Variants in C1QTNF7 observed in about 807,000 individuals in gnomAD.
C1QTNF7 encodes the protein C1q and TNF related 7, also known as complement C1q tumor necrosis factor-related protein 7.
A neutral mutation model predicts 19.6 loss-of-function variants in C1QTNF7; 15 were observed. That is an observed-to-expected ratio of 0.76 (90% CI 0.51 to 1.18). The LOEUF (loss-of-function observed/expected upper bound fraction) is 1.18, where lower values mean the gene tolerates loss of function less well. Among genes scored for constraint, C1QTNF7 ranks in the 50% most tolerant of loss-of-function variants. C1QTNF7 has a pLI of 0.00. For synonymous variants in C1QTNF7, 142 were observed against 137.5 expected (o/e 1.03, Z -0.23); for missense variants, 324 against 359.7 (o/e 0.90, Z 0.80).
upstream of C1QTNF7, among the ~76,000 whole-genome samples, chr4:15,427,077 C>CGGAAA (rs2108931084): frequency 6.6e-6 from 1 of 152,286 alleles, no homozygotes; most frequent in African/African-American, 2.4e-5. Context: ...AGGACCATTT[C>CGGAAA]CTCCAGTGTG....
chr4:15,346,301 G>A (rs1044742997), intron 1 of C1QTNF7, among the ~76,000 whole-genome samples: 2 of 152,166 alleles, frequency 1.3e-5, no homozygotes, highest in African/African-American at 2.4e-5. Context: ...TCTCCAAGTA[G>A]AGGAGAGAAA....
chr4:15,414,860 T>C (rs576951086), intron 1 of C1QTNF7, among the ~76,000 whole-genome samples: 2 of 152,258 alleles, frequency 1.3e-5, no homozygotes, highest in South Asian at 2.1e-4. Flanking sequence ...AGAGTTCCAG[T>C]TGATGATTAA....
intron 1 of C1QTNF7, among the ~76,000 whole-genome samples, chr4:15,395,637 T>G (rs1401593923): frequency 6.6e-6 from 1 of 151,982 alleles, no homozygotes; most frequent in Non-Finnish European, 1.5e-5. Flanking sequence ...AGCTGGGGGA[T>G]AGTGAGAAAA....
chr4:15,399,568 A>C (rs565755101), intron 1 of C1QTNF7, among the ~76,000 whole-genome samples: 1 of 152,362 alleles, frequency 6.6e-6, no homozygotes, highest in East Asian at 1.9e-4. Flanking sequence ...TGCATGGAAT[A>C]AATGTGATGA....
intron 1 of C1QTNF7, among the ~76,000 whole-genome samples, chr4:15,356,411 C>G (rs1488559919): frequency 6.6e-6 from 1 of 152,118 alleles, no homozygotes; most frequent in Non-Finnish European, 1.5e-5. Flanking sequence ...CATCCATGTC[C>G]CTGCAAAGGA....
intron 1 of C1QTNF7, among the ~76,000 whole-genome samples, chr4:15,391,522 C>T (rs1009103326): frequency 5.3e-5 from 8 of 152,006 alleles, no homozygotes; most frequent in African/African-American, 1.7e-4. Flanking sequence ...AGTCAGTGCC[C>T]TTTTTTGGGT....
intron 1 of C1QTNF7, among the ~76,000 whole-genome samples, chr4:15,417,538 A>C (rs1014156862): frequency 3.3e-5 from 5 of 152,244 alleles, no homozygotes; most frequent in Non-Finnish European, 7.3e-5. Flanking sequence ...TGCCTTTGGA[A>C]GGCCAAGGCA....
intron 2 of C1QTNF7, among the ~76,000 whole-genome samples, chr4:15,440,553 G>T (rs1265674037): frequency 1.3e-5 from 2 of 151,848 alleles, no homozygotes; most frequent in Non-Finnish European, 2.9e-5. Context: ...GACTACAGGC[G>T]CGCACCACCA....
intron 1 of C1QTNF7, among the ~76,000 whole-genome samples, chr4:15,389,533 C>T (rs1718474819): frequency 6.6e-6 from 1 of 152,188 alleles, no homozygotes; most frequent in Non-Finnish European, 1.5e-5. Context: ...GATTCTCCTG[C>T]CTCAGCTTCC....
rs139059672 is a variant in C1QTNF7, at chr4:15,377,401, G to A, written c.13+37194G>A. 1.2e-4 allele frequency among the ~76,000 whole-genome samples: 19 copies of A among 152,256 alleles called. No homozygotes were observed. In the East Asian group the frequency reaches 3.5e-3, roughly 28 times the overall value. On this transcript the variant is annotated intron_variant, in intron 1 of 2. Transcript: ENST00000295297. ...CATCAGGTTTCAATCATCAGCAGAT[G>A]GGTGGATTTCTTTCTCTGGTAGGCT...
At chr4:15,342,553 A>T (rs1034133350) in intron 1 of C1QTNF7, among the ~76,000 whole-genome samples, 2 of 152,222 alleles carry the variant, frequency 1.3e-5, no homozygotes, top group Non-Finnish European at 2.9e-5. Flanking sequence ...TGCTGAAATC[A>T]AAGAAAGCGT....
chr4:15,347,302 T>C (rs567053928), intron 1 of C1QTNF7, among the ~76,000 whole-genome samples: 31 of 152,302 alleles, frequency 2.0e-4, no homozygotes, highest in Admixed American at 2.6e-4. Context: ...AATATACCAC[T>C]GGTCACCAGA....
intron 1 of C1QTNF7, among the ~76,000 whole-genome samples, chr4:15,396,261 G>T (rs1193465375): frequency 6.6e-6 from 1 of 152,084 alleles, no homozygotes; most frequent in African/African-American, 2.4e-5. Flanking sequence ...CACCAAGGTG[G>T]GCCTGAGCCA....
At position 15,442,498 on chromosome 4, in the gene C1QTNF7, C is replaced by T. The variant is rs202184168; in HGVS notation, c.569C>T (p.Pro190Leu). ...ACAGGGAAGTTCATCTGTGCTTTCC[C>T]AGGGATCTATTACTTTTCTTATGAT... ...PATGKFICAF[P>L]GIYYFSYDIT... The change falls in exon 3 of 3, where the codon CCA (proline) becomes CTA (leucine). Residue 190 changes from proline (P) to leucine (L), a missense_variant. Transcript: ENST00000444304. The T allele has an allele frequency of 1.2e-6, 2 of 1,614,152 alleles. No individual in the cohort carries two copies. The highest frequency in any genetic ancestry group is 2.2e-5 in the East Asian group (1 of 44,876).
At chr4:15,432,552 T>C (rs1173665842) in intron 1 of C1QTNF7, among the ~76,000 whole-genome samples, 2 of 152,154 alleles carry the variant, frequency 1.3e-5, no homozygotes, top group African/African-American at 2.4e-5. Context: ...CACGCCACCA[T>C]GCAGGGCTAC....
At chr4:15,434,137 C>T (rs1712435227) in intron 1 of C1QTNF7, among the ~76,000 whole-genome samples, 1 of 150,832 alleles carries the variant, frequency 6.6e-6, no homozygotes, top group African/African-American at 2.4e-5. Context: ...AAATGTCTAC[C>T]AGACAGGGCA....
intron 2 of C1QTNF7, among the ~76,000 whole-genome samples, chr4:15,439,201 A>G (rs991843188): frequency 6.6e-6 from 1 of 152,212 alleles, no homozygotes; most frequent in Non-Finnish European, 1.5e-5. Flanking sequence ...AATTCTTCAT[A>G]CAAACAGGAA....
intron 1 of C1QTNF7, among the ~76,000 whole-genome samples, chr4:15,378,925 T>C (rs148978246): frequency 1.3e-4 from 20 of 152,240 alleles, no homozygotes; most frequent in African/African-American, 4.6e-4. Context: ...GTAAACTTTG[T>C]CTTTCAATTA....
intron 1 of C1QTNF7, among the ~76,000 whole-genome samples, chr4:15,432,658 G>T (rs959775450): frequency 3.9e-5 from 6 of 152,200 alleles, no homozygotes; most frequent in African/African-American, 1.4e-4. Context: ...GCCACCCAAA[G>T]TGCTGGGAAT....
Sources: gnomAD v4.1 joint callset for allele counts (sites outside exome capture counted in the v4.1 genomes callset) on GRCh38, gnomAD v4.1.1 for gene constraint, MANE v1.5 for transcripts, NCBI Gene and HGNC (gene_info 2026-07-23, HGNC 2026-07-21) for gene names.